The following PDIA6 variants were observed in gnomAD, a reference collection of about 807,000 sequenced individuals.
The protein encoded by PDIA6 is protein disulfide-isomerase A6.
In PDIA6, 29 loss-of-function variants were observed where a neutral mutation model predicts 58.4. That is an observed-to-expected ratio of 0.50 (90% CI 0.37 to 0.68). The LOEUF is 0.68. PDIA6 is among the 30% of genes least tolerant of loss of function. The pLI, the probability that PDIA6 is intolerant of heterozygous loss-of-function variation, is 0.00. For missense variants in PDIA6, 480 were observed against 551.0 expected (o/e 0.87, Z 1.29); for synonymous variants, 192 against 202.6 (o/e 0.95, Z 0.44).
chr2:10,814,261 T>C (rs1403717333), upstream of PDIA6, among the ~76,000 whole-genome samples: 1 of 152,224 alleles, frequency 6.6e-6, no homozygotes, highest in African/African-American at 2.4e-5. Flanking sequence ...TCAGGCAAAC[T>C]GAACTCAGAG....
chr2:10,833,796 A>T (rs1377116214), upstream of PDIA6, among the ~76,000 whole-genome samples: 1 of 152,210 alleles, frequency 6.6e-6, no homozygotes, highest in Non-Finnish European at 1.5e-5. Context: ...GGAAAGGTTA[A>T]ATGACATCCC....
Position 10,797,219 on chromosome 2 carries a change from T to A in PDIA6, c.220-12A>T, listed in dbSNP as rs1666302836. On this transcript the variant is annotated splice_polypyrimidine_tract_variant and intron_variant, in intron 3 of 12. Transcript: ENST00000272227. ...ACTTTGACAACATCCTGTGGAAATG[T>A]AAAAGAAATAACAATTTTTCCTTCC... is the stretch of plus-strand genomic sequence containing the variant. 3.1e-6 allele frequency: 5 copies of A among 1,602,384 alleles called. No homozygotes were observed. The Admixed American group carries it at 8.8e-5, about 28-fold the overall frequency.
In PDIA6 at chr2:10,820,825, G is replaced by C. The variant is rs61360105; in HGVS notation, c.-47-1471C>G. ...GGGACCTCAACTGGGGCCAGTGGTC[G>C]GCACACCCACACAAGCTTCTCCCGG... On this transcript the variant is annotated intron_variant, in intron 1 of 13. Coordinates refer to the PDIA6 transcript ENST00000381611. 6,671 of 702,940 alleles carry C rather than the reference G, an allele frequency of 9.5e-3. 313 individuals carry two copies. In the African/African-American group the frequency reaches 0.098, roughly 10 times the overall value. The allele number at this position is 702,940 out of a possible 1,614,324, so 43.5% of individuals were successfully genotyped here. A position where few individuals can be genotyped will look rare whatever the true frequency, so the allele number is the denominator to read the frequency against.
At chr2:10,832,292 G>T in exon 1 of PDIA6, 2 of 486,350 alleles carry the variant, frequency 4.1e-6, no homozygotes, top group Non-Finnish European at 5.4e-6. Context: ...CCGCCCAAAT[G>T]CCCATCAGCA....
chr2:10,819,598 G>A (rs2884289), intron 1 of PDIA6, among the ~76,000 whole-genome samples: 38,250 of 152,070 alleles, frequency 0.25, 5,079 homozygotes, highest in Non-Finnish European at 0.27. Flanking sequence ...GAAGGACCTG[G>A]GTCATCTTAA....
At chr2:10,808,039 T>C (rs1666833885) in intron 1 of PDIA6, among the ~76,000 whole-genome samples, 2 of 152,244 alleles carry the variant, frequency 1.3e-5, no homozygotes, top group Non-Finnish European at 2.9e-5. Context: ...ACAATTATGG[T>C]ATTCAAGATT....
intron 1 of PDIA6, among the ~76,000 whole-genome samples, chr2:10,825,087 G>T (rs2148579331): frequency 6.6e-6 from 1 of 152,270 alleles, no homozygotes; most frequent in South Asian, 2.1e-4. Context: ...TAGCCTCCTA[G>T]CCTACATCTT....
At chr2:10,813,566 G>A (rs1252304607), upstream of PDIA6, among the ~76,000 whole-genome samples, 1 of 152,240 alleles carries the variant, frequency 6.6e-6, no homozygotes, top group Non-Finnish European at 1.5e-5. Flanking sequence ...GCTGCAGTGA[G>A]CCTCCTGCCT....
chr2:10,798,401 C>T (rs1734350), intron 2 of PDIA6, among the ~76,000 whole-genome samples: 73,974 of 151,620 alleles, frequency 0.49, 19,568 homozygotes, highest in Middle Eastern at 0.58. Context: ...CACCCTGTCT[C>T]TACTAAAAAT....
Position 10,789,605 on chromosome 2 carries a change from CTTTT to C in PDIA6, c.840+140_840+143del, listed in dbSNP as rs1013019368. 9.0e-6 allele frequency: 6 copies of C among 664,706 alleles called. No homozygotes were observed. In the East Asian group the frequency reaches 1.7e-4, roughly 19 times the overall value. The allele number at this position is 664,706 out of a possible 1,614,324, so 41.2% of individuals were successfully genotyped here. A position where few individuals can be genotyped will look rare whatever the true frequency, so the allele number is the denominator to read the frequency against. On this transcript the variant is annotated intron_variant, in intron 8 of 12. Transcript: ENST00000272227. ...AAGTTATGAAAAGCAATTTATCAGA[CTTTT>C]TTTCCATTTCAAAGTATAGAAACCA...
upstream of PDIA6, among the ~76,000 whole-genome samples, chr2:10,817,102 C>T (rs1490818202): frequency 4.6e-5 from 7 of 152,228 alleles, no homozygotes; most frequent in Admixed American, 1.3e-4. Flanking sequence ...GTGGCTGCTC[C>T]AGCCCGCTAG....
chr2:10,815,275 C>A (rs886705928), upstream of PDIA6, among the ~76,000 whole-genome samples: 22 of 152,268 alleles, frequency 1.4e-4, no homozygotes, highest in Admixed American at 1.2e-3. Context: ...CATTAACAAC[C>A]TAATTATACG....
At chr2:10,816,968 C>T (rs778249563), upstream of PDIA6, among the ~76,000 whole-genome samples, 8 of 152,156 alleles carry the variant, frequency 5.3e-5, no homozygotes, top group Non-Finnish European at 1.0e-4. Context: ...AAAGCCAGAA[C>T]CCAAGTTCCT....
At chr2:10,812,452 C>T (rs1056023045) in intron 1 of PDIA6, among the ~76,000 whole-genome samples, 1 of 151,876 alleles carries the variant, frequency 6.6e-6, no homozygotes, top group African/African-American at 2.4e-5. Flanking sequence ...CTCCCGCCCC[C>T]CGCGGCTGCG....
intron 4 of PDIA6, among the ~76,000 whole-genome samples, chr2:10,793,798 A>C (rs533220826): frequency 6.6e-6 from 1 of 152,376 alleles, no homozygotes; most frequent in East Asian, 1.9e-4. Flanking sequence ...CTAGCTGAGA[A>C]AGCAGGGGAA....
intron 2 of PDIA6, among the ~76,000 whole-genome samples, chr2:10,799,800 C>G (rs1666423426): frequency 1.3e-5 from 2 of 151,714 alleles, no homozygotes; most frequent in South Asian, 4.2e-4. Context: ...CATCATAATG[C>G]CACATACATA....
chr2:10,801,852 A>G (rs999926283), intron 2 of PDIA6, among the ~76,000 whole-genome samples: 1 of 152,218 alleles, frequency 6.6e-6, no homozygotes, highest in African/African-American at 2.4e-5. Context: ...CCTTGTTCAC[A>G]TGTCAAAGGA....
rs1291377596 is a variant in PDIA6, at chr2:10,787,442, A to G, written c.999-3T>C. ...CTCCAGCTTCTGTCCACAGCCACCT[A>G]GAAAACCAGACTGGTTTTTAGGGCA... On this transcript the variant is annotated splice_polypyrimidine_tract_variant and splice_region_variant and intron_variant, in intron 10 of 12. Transcript: ENST00000272227. 6.2e-7 allele frequency: 1 copy of G among 1,607,928 alleles called. No individual in the cohort carries two copies. The highest frequency in any genetic ancestry group is 8.5e-7 in the Non-Finnish European group (1 of 1,176,946).
At position 10,790,761 on chromosome 2, in the gene PDIA6, A is replaced by G; in HGVS notation, c.657T>C (p.Ala219=). ...EQTKGKVKLA[A]VDATVNQVLA... Reference sequence around the variant, plus strand: ...GAACCTGATTGACTGTAGCATCCACAGCTGCCAGTTTCACTTTTCCTTTCG... The same window carrying G: ...GAACCTGATTGACTGTAGCATCCACGGCTGCCAGTTTCACTTTTCCTTTCG... The change falls in exon 7 of 13, where the codon GCT becomes GCC. Residue 219 remains alanine, a synonymous_variant. Coordinates refer to ENST00000272227, the MANE Select transcript of PDIA6 (RefSeq NM_005742.4). 6.2e-7 allele frequency: 1 copy of G among 1,614,150 alleles called. No homozygotes were observed. Among genetic ancestry groups the G allele is most frequent in the Non-Finnish European group, 8.5e-7 (1 of 1,179,976 alleles).
Sources: allele counts gnomAD v4.1 joint callset (sites outside exome capture counted in the v4.1 genomes callset), GRCh38; gene constraint gnomAD v4.1.1; transcripts MANE v1.5; gene names NCBI Gene and HGNC (gene_info 2026-07-23, HGNC 2026-07-21).